Variants in C4orf50 observed in about 807,000 individuals in gnomAD.
C4orf50 encodes chromosome 4 open reading frame 50, also known as uncharacterized protein C4orf50.
In C4orf50, 80 loss-of-function variants were observed where a neutral mutation model predicts 77.2. The ratio of observed to expected loss-of-function variants is 1.04; its 90% CI spans 0.87 to 1.25. The LOEUF (loss-of-function observed/expected upper bound fraction) is 1.25. Ranked by LOEUF, C4orf50 falls within the 50% of genes most tolerant of loss-of-function variation. The pLI, the probability that C4orf50 is intolerant of heterozygous loss-of-function variation, is 0.00. For synonymous variants in C4orf50, 532 were observed against 465.3 expected, an observed-to-expected ratio of 1.14 and a Z score of -1.84; for missense variants, 1,257 against 1,152.9, an observed-to-expected ratio of 1.09 and a Z score of -1.31.
At chr4:5,910,628 T>A (rs1466011030) in intron 7 of C4orf50, among the ~76,000 whole-genome samples, 1 of 152,182 alleles carries the variant, frequency 6.6e-6, no homozygotes, top group Admixed American at 6.5e-5. Flanking sequence ...CGATCATGGC[T>A]GAGCTTGGAG....
At chr4:5,944,000 T>A (rs1718378552) in intron 7 of C4orf50, among the ~76,000 whole-genome samples, 1 of 152,166 alleles carries the variant, frequency 6.6e-6, no homozygotes, top group South Asian at 2.1e-4. Context: ...AGCTGGGCAG[T>A]CCCACAACAG....
intron 25 of C4orf50, among the ~76,000 whole-genome samples, chr4:5,995,743 T>C (rs952888518): frequency 2.0e-5 from 3 of 152,226 alleles, no homozygotes; most frequent in African/African-American, 7.2e-5. Flanking sequence ...TGTTTCATCA[T>C]TGGGTGGACA....
intron 7 of C4orf50, among the ~76,000 whole-genome samples, chr4:5,922,243 C>G (rs908904498): frequency 8.5e-5 from 13 of 152,204 alleles, no homozygotes; most frequent in South Asian, 2.1e-4. Flanking sequence ...GACAGTGATG[C>G]ACGGGGACAG....
chr4:5,992,983 C>A lies in C4orf50; in HGVS notation c.1094-53G>T. On this transcript the variant is annotated intron_variant, in intron 26 of 33. Coordinates refer to ENST00000531445, the Ensembl canonical transcript of C4orf50. The surrounding 1 kb of genome is among the most constrained non-coding windows in gnomAD (Gnocchi z 5.0). ...ACAAAGATGCTCCCAGGGGCTCTGC[C>A]ATGATCGCCTCTAGGGACCACGTCC... 1 of 398,272 alleles carries A rather than the reference C, an allele frequency of 2.5e-6. No individual in the cohort carries two copies. The highest frequency in any genetic ancestry group is 1.3e-4 in the South Asian group (1 of 7,632). The allele number at this position is 398,272 out of a possible 1,614,324, so 24.7% of individuals were successfully genotyped here.
chr4:5,942,696 G>A (rs778889542), intron 7 of C4orf50, among the ~76,000 whole-genome samples: 1 of 152,268 alleles, frequency 6.6e-6, no homozygotes, highest in Non-Finnish European at 1.5e-5. Flanking sequence ...AGAAATGGAG[G>A]CACAAAGGGA....
intron 23 of C4orf50, among the ~76,000 whole-genome samples, chr4:6,012,343 C>A (rs1455961491): frequency 2.6e-5 from 4 of 152,074 alleles, no homozygotes; most frequent in Non-Finnish European, 5.9e-5. Context: ...GGTTCTGCTA[C>A]CCTTACTTCA....
At chr4:5,966,814 T>G (rs1227600546) in intron 32 of C4orf50, among the ~76,000 whole-genome samples, 1 of 152,062 alleles carries the variant, frequency 6.6e-6, no homozygotes, top group Non-Finnish European at 1.5e-5. Flanking sequence ...CATACCCAGC[T>G]AATTTTTGTA....
At chr4:5,991,798 G>T (rs1721312461) in intron 27 of C4orf50, among the ~76,000 whole-genome samples, 1 of 152,166 alleles carries the variant, frequency 6.6e-6, no homozygotes, top group African/African-American at 2.4e-5. Flanking sequence ...CAGCAGCAGA[G>T]CCCCCTCAGG....
At chr4:5,957,872 C>T (rs1417803364) in exon 34 of C4orf50, 1 of 152,154 alleles carries the variant, frequency 6.6e-6, no homozygotes, top group Non-Finnish European at 1.5e-5. Flanking sequence ...TATAATTGTA[C>T]AACATAAGTC....
At chr4:5,975,793 C>G in intron 30 of C4orf50, 106 bp downstream of exon 8, 1 of 926,528 alleles carries the variant, frequency 1.1e-6, no homozygotes, top group South Asian at 1.4e-5. Flanking sequence ...CTGGCCCTAC[C>G]CAGACTTTTA....
intron 31 of C4orf50, 113 bp from the exon 10 acceptor site, chr4:5,967,575 C>T (rs2108769530): frequency 1.1e-6 from 1 of 931,408 alleles, no homozygotes. Flanking sequence ...CAAAAAACCG[C>T]TTTCTGTGTA....
intron 26 of C4orf50, among the ~76,000 whole-genome samples, chr4:5,994,015 C>A (rs531600109): frequency 1.3e-5 from 2 of 152,206 alleles, no homozygotes; most frequent in East Asian, 3.9e-4. Context: ...GGCCATCATA[C>A]GGACTTCTGT....
In C4orf50 at chr4:5,935,784, T is replaced by TAAAAAAA. The variant is rs769910855; in HGVS notation, c.*2474+21110_*2474+21116dup. Among the ~76,000 whole-genome samples, 84 of 31,480 alleles carry TAAAAAAA rather than the reference T, an allele frequency of 2.7e-3. 5 individuals carry two copies. The highest frequency in any genetic ancestry group is 6.1e-3 in the African/African-American group (77 of 12,576). 20.7% of individuals were successfully genotyped at this position (31,480 alleles called of 152,430 possible). A position where few individuals can be genotyped will look rare whatever the true frequency, so the allele number is the denominator to read the frequency against. On this transcript the variant is annotated intron_variant, in intron 7 of 7. Transcript: ENST00000324058. ...CTGGGCGACAGAGGGAGACTCCGTC[T>TAAAAAAA]AAAAAAAAAAAAAAAAAAAAAAAAA...
chr4:5,969,755 G>T (rs1464303771), intron 31 of C4orf50, among the ~76,000 whole-genome samples: 1 of 152,166 alleles, frequency 6.6e-6, no homozygotes, highest in Non-Finnish European at 1.5e-5. Context: ...GCTTAGGTAC[G>T]TGAAGGGCAA....
intron 25 of C4orf50, among the ~76,000 whole-genome samples, chr4:6,004,222 TGA>T: frequency 1.2e-5 from 1 of 83,932 alleles, no homozygotes. Context: ...GTGATGGTGA[TGA>T]TGTGATGGTG....
intron 29 of C4orf50, among the ~76,000 whole-genome samples, chr4:5,976,750 T>C (rs1447984489): frequency 6.6e-6 from 1 of 152,214 alleles, no homozygotes; most frequent in Non-Finnish European, 1.5e-5. Context: ...AACCTATCCA[T>C]GTAAAGTGCT....
At position 5,942,212 on chromosome 4, in the gene C4orf50, A is replaced by T. The variant is rs1004203617; in HGVS notation, c.*2474+14689T>A. On this transcript the variant is annotated intron_variant, in intron 7 of 7. Transcript: ENST00000324058. ...ATACACAACCCCAGGTAGCAGTAAC[A>T]ATCAACGCCAGACAAATCAATAGCA... Among the ~76,000 whole-genome samples the T allele has an allele frequency of 2.0e-5, 3 of 152,306 alleles. No homozygotes were observed. The East Asian group carries it at 5.8e-4, about 29-fold the overall frequency.
chr4:5,941,557 G>C (rs1560553707), intron 7 of C4orf50, among the ~76,000 whole-genome samples: 1 of 152,152 alleles, frequency 6.6e-6, no homozygotes, highest in African/African-American at 2.4e-5. Flanking sequence ...GTATTCATTT[G>C]TCCAATAACA....
intron 7 of C4orf50, among the ~76,000 whole-genome samples, chr4:5,942,046 A>G (rs778801943): frequency 1.3e-5 from 2 of 152,218 alleles, no homozygotes; most frequent in Non-Finnish European, 2.9e-5. Context: ...GGCATCTACC[A>G]GACACTGGAG....
Sources: allele counts gnomAD v4.1 joint callset (sites outside exome capture counted in the v4.1 genomes callset), GRCh38; gene constraint gnomAD v4.1.1; non-coding constraint Gnocchi (gnomAD v3.1); transcripts MANE v1.5; gene names NCBI Gene and HGNC (gene_info 2026-07-23, HGNC 2026-07-21).